Variants in LAMA3 observed in about 807,000 individuals in gnomAD.
LAMA3 encodes laminin subunit alpha 3.
LAMA3 carries 281 observed loss-of-function variants against 402.0 expected under a neutral mutation model. That is an observed-to-expected ratio of 0.70 (90% CI 0.63 to 0.77). The LOEUF is 0.77. Ranked by LOEUF, LAMA3 falls within the 30% of genes least tolerant of loss-of-function variation. The pLI is 0.00. For missense variants in LAMA3, 3,840 were observed against 4,215.5 expected (o/e 0.91, Z 2.47); for synonymous variants, 1,431 against 1,558.4 (o/e 0.92, Z 1.93).
In LAMA3 at chr18:23,879,674, C is replaced by A. The variant is rs1249128775; in HGVS notation, c.5113-2262C>A. ...TGCAGCATTCGTTCATTTATTTATT[C>A]ACAGTAAAACACAAGGAACCTGAAG... On this transcript the variant is annotated intron_variant, in intron 39 of 74. Transcript: ENST00000313654. The surrounding 1 kb of genome is among the most constrained non-coding windows in gnomAD (Gnocchi z 4.2). Among the ~76,000 whole-genome samples the A allele has an allele frequency of 3.3e-5, 5 of 152,214 alleles. No homozygotes were observed. The highest frequency in any genetic ancestry group is 1.2e-4 in the African/African-American group (5 of 41,456).
In LAMA3 at chr18:23,846,404, C is replaced by T. The variant is rs749103134; in HGVS notation, c.3827C>T (p.Pro1276Leu). Reference protein sequence around the residue: ...CECHPTGATGPHCSPEGGQCP... With the variant: ...CECHPTGATGLHCSPEGGQCP... Reference sequence around the variant, plus strand: ...TGCCACCCCACTGGGGCCACCGGCCCTCACTGCAGCCCTGAGGGTGGGCAG... The same window carrying T: ...TGCCACCCCACTGGGGCCACCGGCCTTCACTGCAGCCCTGAGGGTGGGCAG... Residue 1276 changes from proline to leucine, a missense_variant, in exon 31 of 75, where the codon CCT becomes CTT. Coordinates refer to ENST00000313654, the MANE Select transcript of LAMA3 (RefSeq NM_198129.4). 9.9e-5 allele frequency: 159 copies of T among 1,614,004 alleles called. No homozygotes were observed. The highest frequency in any genetic ancestry group is 1.2e-4 in the Non-Finnish European group (142 of 1,180,056).
At chr18:23,712,170 C>A (rs1475258186) in intron 1 of LAMA3, among the ~76,000 whole-genome samples, 1 of 151,994 alleles carries the variant, frequency 6.6e-6, no homozygotes, top group African/African-American at 2.4e-5. Context: ...CACCTGAGGT[C>A]AGGAGTTCAA....
At chr18:23,696,760 A>G (rs995521604) in intron 1 of LAMA3, among the ~76,000 whole-genome samples, 4 of 152,202 alleles carry the variant, frequency 2.6e-5, no homozygotes, top group Admixed American at 2.6e-4. Context: ...TTGGCTTCCC[A>G]AAGTTCTGGG....
At chr18:23,954,401 T>TAAAAAAAAA in intron 74 of LAMA3, 102 bp from the exon 75 acceptor site, 3 of 678,850 alleles carry the variant, frequency 4.4e-6, no homozygotes, top group Non-Finnish European at 6.9e-6. Flanking sequence ...GGACCCTGTC[T>TAAAAAAAAA]AAAAAAAAAA....
In LAMA3 at chr18:23,876,316, G is replaced by A. The variant is rs377076059; in HGVS notation, c.5021G>A (p.Arg1674Gln). 24 of 1,613,438 alleles carry A rather than the reference G, an allele frequency of 1.5e-5. No homozygotes were observed. The highest frequency in any genetic ancestry group is 8.0e-5 in the African/African-American group (6 of 75,038). ...TAGGGTTGTAGCCCTGGATACTATCGGGATCATAAAGGCTTGTATACCGGA... is the reference window on the plus strand; with the variant it reads ...TAGGGTTGTAGCCCTGGATACTATCAGGATCATAAAGGCTTGTATACCGGA... ...SCQGCSPGYY[R>Q]DHKGLYTGRC... Residue 1674 changes from arginine to glutamine, a missense_variant, in exon 39 of 75, where the codon CGG becomes CAG. Physicochemically the swap from Arg to Gln is conservative, Grantham distance 43. Coordinates refer to ENST00000313654, the MANE Select transcript of LAMA3 (RefSeq NM_198129.4).
intron 47 of LAMA3, among the ~76,000 whole-genome samples, chr18:23,900,388 A>C (rs1201358142): frequency 6.6e-6 from 1 of 152,078 alleles, no homozygotes; most frequent in Admixed American, 6.5e-5. Flanking sequence ...TGAACTTTTG[A>C]CTGCATTTTG....
At chr18:23,883,094 C>T (rs1279090935) in intron 40 of LAMA3, among the ~76,000 whole-genome samples, 1 of 152,118 alleles carries the variant, frequency 6.6e-6, no homozygotes, top group Non-Finnish European at 1.5e-5. Context: ...AGTGAGAAGG[C>T]AGGAGTGGCA....
intron 1 of LAMA3, among the ~76,000 whole-genome samples, chr18:23,693,545 A>AG (rs1568082116): frequency 6.6e-6 from 1 of 151,762 alleles, no homozygotes; most frequent in African/African-American, 2.4e-5. Flanking sequence ...AAAAAAAAAA[A>AG]AGAGAAACGT....
At chr18:23,930,976 A>G (rs1186305830) in intron 64 of LAMA3, 86 bp from the exon 65 acceptor site, 3 of 1,298,098 alleles carry the variant, frequency 2.3e-6, no homozygotes, top group African/African-American at 1.4e-5. Flanking sequence ...TGTTTTATAC[A>G]TGGTTTGGAT....
chr18:23,824,549 CAGA>C lies in LAMA3; in HGVS notation c.2558_2560del (p.Glu853del), dbSNP rs1179517276. The stretch of plus-strand genomic sequence containing the variant: ...GGAATATGGGTTGCTTGTATTAAGG[CAGA>C]AGGAGTCCTTCTGGTAAGACTTAGT... On this transcript the variant is annotated inframe_deletion, in exon 21 of 75. Coordinates refer to ENST00000313654, the MANE Select transcript of LAMA3 (RefSeq NM_198129.4). The C allele has an allele frequency of 1.9e-6, 3 of 1,614,044 alleles. No homozygotes were observed. The highest frequency in any genetic ancestry group is 1.7e-5 in the Admixed American group (1 of 60,016).
chr18:23,815,152 C>T, intron 15 of LAMA3, 36 bp from the exon 16 acceptor site: 2 of 1,594,698 alleles, frequency 1.3e-6, no homozygotes, highest in Non-Finnish European at 8.6e-7. Context: ...TCTTTTGTGT[C>T]TCCCTTAGTT....
intron 1 of LAMA3, among the ~76,000 whole-genome samples, chr18:23,696,418 A>G (rs1249764278): frequency 6.6e-6 from 1 of 152,210 alleles, no homozygotes. Flanking sequence ...ATTATCTTCT[A>G]GGTAAACTTA....
intron 11 of LAMA3, among the ~76,000 whole-genome samples, 194 bp from the exon 12 acceptor site, chr18:23,783,829 T>A (rs896519500): frequency 1.3e-4 from 20 of 152,196 alleles, no homozygotes; most frequent in Admixed American, 5.2e-4. Context: ...GTGTTTTTTT[T>A]AATGATATCT....
At position 23,697,413 on chromosome 18, in the gene LAMA3, A is replaced by G. The variant is rs1187037484; in HGVS notation, c.294+7436A>G. Among the ~76,000 whole-genome samples the G allele has an allele frequency of 2.6e-5, 4 of 152,270 alleles. No individual in the cohort carries two copies. The South Asian group carries it at 8.3e-4, about 32-fold the overall frequency. On this transcript the variant is annotated intron_variant, in intron 1 of 74. Transcript: ENST00000313654. ...CTGTACTGGCTCAGGAGCCTCTCATATACATATCTGCATTCCTGACCCAGG... is the reference window on the plus strand; with the variant it reads ...CTGTACTGGCTCAGGAGCCTCTCATGTACATATCTGCATTCCTGACCCAGG...
intron 47 of LAMA3, chr18:23,899,698 A>G: frequency 2.3e-6 from 1 of 428,182 alleles, no homozygotes; most frequent in South Asian, 2.5e-5. Context: ...TAAAAGTTAG[A>G]TATGGTTGCC....
chr18:23,942,419 T>A (rs1466340746), intron 68 of LAMA3, among the ~76,000 whole-genome samples: 1 of 152,242 alleles, frequency 6.6e-6, no homozygotes, highest in Admixed American at 6.5e-5. Flanking sequence ...GCATTCCTAC[T>A]GTCCAGCACT....
At chr18:23,748,531 A>C (rs1478508689) in intron 3 of LAMA3, among the ~76,000 whole-genome samples, 3 of 151,916 alleles carry the variant, frequency 2.0e-5, no homozygotes, top group Non-Finnish European at 2.9e-5. Context: ...GCGGTGGCTT[A>C]TGCCTGTAAT....
At chr18:23,707,522 CAG>C (rs373410734) in intron 1 of LAMA3, among the ~76,000 whole-genome samples, 1 of 151,718 alleles carries the variant, frequency 6.6e-6, no homozygotes, top group Non-Finnish European at 1.5e-5. Flanking sequence ...ATGGCAGGCA[CAG>C]AGAGAGAGAG....
At position 23,949,780 on chromosome 18, in the gene LAMA3, A is replaced by G. The variant is rs1353287710; in HGVS notation, c.9367A>G (p.Ser3123Gly). Residue 3123 changes from serine (S) to glycine (G), a missense_variant, in exon 71 of 75, where the codon AGC (serine) becomes GGC (glycine). By Grantham distance (56) the Ser-to-Gly change is moderately conservative. Around this residue, in one of 3 missense-constraint regions of LAMA3, gnomAD observed 840 missense variants for 981.9 expected, o/e 0.86. Coordinates refer to ENST00000313654, the MANE Select transcript of LAMA3 (RefSeq NM_198129.4). The stretch of plus-strand genomic sequence containing the variant: ...TTGGTTGCAGAGCCTCCCCACAAAC[A>G]GCTTTGTGGGATGCCTGAAGAACTT... ...SGKPKSLPTN[S>G]FVGCLKNFQL... 2 of 1,613,912 alleles carry G rather than the reference A, an allele frequency of 1.2e-6. No individual in the cohort carries two copies. Among genetic ancestry groups the G allele is most frequent in the East Asian group, 2.2e-5 (1 of 44,860 alleles).
Sources: gnomAD v4.1 joint callset for allele counts (sites outside exome capture counted in the v4.1 genomes callset) on GRCh38, gnomAD v4.1.1 for gene constraint, gnomAD v4.1.1 regional missense constraint, Gnocchi (gnomAD v3.1) non-coding constraint, MANE v1.5 for transcripts, NCBI Gene and HGNC (gene_info 2026-07-23, HGNC 2026-07-21) for gene names.